The following KCNMB3 variants were observed in gnomAD, a reference collection of about 807,000 sequenced individuals.
KCNMB3 encodes potassium calcium-activated channel subfamily M regulatory beta subunit 3, also known as calcium-activated potassium channel subunit beta-3.
In KCNMB3, 18 loss-of-function variants were observed where a neutral mutation model predicts 11.9. The observed-to-expected ratio is 1.51, with a 90% CI of 1.04 to 2.23. The LOEUF is 2.23. Among genes scored for constraint, KCNMB3 ranks in the 30% most tolerant of loss-of-function variants. KCNMB3 has a pLI of 0.00. For synonymous variants in KCNMB3, 78 were observed against 119.2 expected (o/e 0.65, Z 2.25); for missense variants, 247 against 329.4 (o/e 0.75, Z 1.94).
At position 179,243,720 on chromosome 3, in the gene KCNMB3, G is replaced by A. The variant is rs192630506; in HGVS notation, c.448-436C>T. On this transcript the variant is annotated intron_variant, in intron 2 of 2. Coordinates refer to ENST00000392685, the MANE Select transcript of KCNMB3 (RefSeq NM_171830.2). ...AAAATATCACCCTGAAGAAAAGCAC[G>A]TTGAGGCTTTTGCTCTAGACTCACA... Among the ~76,000 whole-genome samples the A allele has an allele frequency of 4.6e-5, 7 of 152,298 alleles. No homozygotes were observed. The East Asian group carries it at 9.6e-4, about 21-fold the overall frequency.
chr3:179,262,465 G>C (rs1192441740), intron 1 of KCNMB3, among the ~76,000 whole-genome samples: 1 of 152,206 alleles, frequency 6.6e-6, no homozygotes, highest in East Asian at 1.9e-4. Context: ...GAGTGTTACA[G>C]CTCATAAAGG....
chr3:179,240,849 G>A (rs1725437270), downstream of KCNMB3: 1 of 152,178 alleles, frequency 6.6e-6, no homozygotes, highest in South Asian at 2.1e-4. Context: ...AAACGGAATA[G>A]AGATGTGCCC....
upstream of KCNMB3, chr3:179,251,648 A>C: frequency 1.6e-6 from 2 of 1,245,970 alleles, no homozygotes. Context: ...TCCAACACAA[A>C]GGTCGCAAAC....
chr3:179,263,115 C>T (rs1026576056), intron 1 of KCNMB3, among the ~76,000 whole-genome samples: 3 of 152,228 alleles, frequency 2.0e-5, no homozygotes, highest in Non-Finnish European at 4.4e-5. Flanking sequence ...CAGCGCTCAT[C>T]AGGGAGGCTC....
chr3:179,263,311 C>G (rs973000180), intron 1 of KCNMB3, among the ~76,000 whole-genome samples: 1 of 152,252 alleles, frequency 6.6e-6, no homozygotes, highest in Non-Finnish European at 1.5e-5. Context: ...GAGTGCTGGC[C>G]CGCTGAGTCC....
At chr3:179,258,904 T>A in intron 1 of KCNMB3, 2 of 1,606,256 alleles carry the variant, frequency 1.2e-6, no homozygotes, top group South Asian at 1.1e-5. Flanking sequence ...CACCTGGTGA[T>A]TGGCATACAG....
chr3:179,253,521 T>A (rs999670858), upstream of KCNMB3, among the ~76,000 whole-genome samples: 1 of 152,156 alleles, frequency 6.6e-6, no homozygotes, highest in African/African-American at 2.4e-5. Flanking sequence ...CATAGATAGG[T>A]TTGGCCAGGT....
intron 1 of KCNMB3, chr3:179,261,210 G>A (rs906154635): frequency 3.7e-6 from 5 of 1,357,820 alleles, no homozygotes; most frequent in Non-Finnish European, 4.9e-6. Context: ...GCCTCCGCCA[G>A]CCTCTGCGCT....
intron 1 of KCNMB3, among the ~76,000 whole-genome samples, chr3:179,245,967 A>G (rs1273506092): frequency 6.6e-6 from 1 of 152,260 alleles, no homozygotes; most frequent in African/African-American, 2.4e-5. Flanking sequence ...GTCCAAGACA[A>G]AGTAAACGAG....
chr3:179,266,191 A>T (rs1481453946), intron 1 of KCNMB3, among the ~76,000 whole-genome samples: 1 of 152,194 alleles, frequency 6.6e-6, no homozygotes, highest in African/African-American at 2.4e-5. Context: ...TTTGAATCCA[A>T]GGGCTGTGAC....
intron 1 of KCNMB3, among the ~76,000 whole-genome samples, chr3:179,248,285 G>A (rs1576956880): frequency 6.6e-6 from 1 of 152,110 alleles, no homozygotes; most frequent in African/African-American, 2.4e-5. Flanking sequence ...GTTTAAGTAG[G>A]ATAAAATATA....
chr3:179,242,761 G>A, downstream of KCNMB3: 1 of 1,251,352 alleles, frequency 8.0e-7, no homozygotes, highest in African/African-American at 1.5e-5. Flanking sequence ...TACAAAATGA[G>A]GCTTTTAAAT....
At chr3:179,252,244 C>T (rs1304070748), upstream of KCNMB3, among the ~76,000 whole-genome samples, 2 of 152,130 alleles carry the variant, frequency 1.3e-5, no homozygotes, top group South Asian at 2.1e-4. Context: ...TTGCCATTCC[C>T]TGCTCAGTAG....
In KCNMB3 at chr3:179,261,011, C is replaced by T. The variant is rs201417791; in HGVS notation, c.62+5638G>A. On this transcript the variant is annotated intron_variant, in intron 1 of 3. Transcript: ENST00000349697. The stretch of plus-strand genomic sequence containing the variant: ...GTCGATGGATATAGAGGTGTCTCCG[C>T]TGCCTCTCTGAGAGGAAGTCCCACC... The T allele has an allele frequency of 1.9e-5, 19 of 975,174 alleles. No individual in the cohort carries two copies. The East Asian group carries it at 4.0e-4, about 21-fold the overall frequency. The allele number at this position is 975,174 out of a possible 1,614,324, so 60.4% of individuals were successfully genotyped here.
At chr3:179,248,559 C>A (rs952561382) in intron 1 of KCNMB3, among the ~76,000 whole-genome samples, 1 of 151,958 alleles carries the variant, frequency 6.6e-6, no homozygotes, top group Non-Finnish European at 1.5e-5. Flanking sequence ...GGGATCCCAT[C>A]TCTACCAACA....
chr3:179,251,836 C>T (rs1224360314), upstream of KCNMB3, among the ~76,000 whole-genome samples: 1 of 152,146 alleles, frequency 6.6e-6, no homozygotes, highest in African/African-American at 2.4e-5. Context: ...ATTCTCCTGC[C>T]TCAGCCTCCC....
upstream of KCNMB3, among the ~76,000 whole-genome samples, chr3:179,254,494 C>A (rs956557201): frequency 6.6e-6 from 1 of 152,150 alleles, no homozygotes; most frequent in Non-Finnish European, 1.5e-5. Context: ...TCTGTAGGCA[C>A]ACACATTTAA....
intron 1 of KCNMB3, chr3:179,259,112 T>G: frequency 6.3e-7 from 1 of 1,588,348 alleles, no homozygotes; most frequent in Non-Finnish European, 8.5e-7. Flanking sequence ...CCGGCTCTCC[T>G]CCTGGTGCCA....
upstream of KCNMB3, among the ~76,000 whole-genome samples, chr3:179,252,449 C>T (rs1266962901): frequency 6.6e-6 from 1 of 152,100 alleles, no homozygotes; most frequent in Admixed American, 6.6e-5. Context: ...ATGCCTTATC[C>T]CACATCCTTC....
Sources: gnomAD v4.1 joint callset for allele counts (sites outside exome capture counted in the v4.1 genomes callset) on GRCh38, gnomAD v4.1.1 for gene constraint, MANE v1.5 for transcripts, NCBI Gene and HGNC (gene_info 2026-07-23, HGNC 2026-07-21) for gene names.